Variants in FRMD5 observed in about 807,000 individuals in gnomAD.
The protein encoded by FRMD5 is FERM domain containing 5, also known as FERM domain-containing protein 5.
A neutral mutation model predicts 69.0 loss-of-function variants in FRMD5; 20 were observed. The ratio of observed to expected loss-of-function variants is 0.29; its 90% CI spans 0.20 to 0.42. The LOEUF is 0.42. Ranked by LOEUF, FRMD5 falls within the 10% of genes least tolerant of loss-of-function variation. FRMD5 has a pLI of 1.00. For synonymous variants in FRMD5, 271 were observed against 260.1 expected, an observed-to-expected ratio of 1.04 and a Z score of -0.40; for missense variants, 595 against 708.6, an observed-to-expected ratio of 0.84 and a Z score of 1.82.
rs141804253 is a variant in FRMD5, at chr15:43,951,961, A to ATG, written c.103-27654_103-27653dup. 4.5e-3 allele frequency among the ~76,000 whole-genome samples: 498 copies of ATG among 111,706 alleles called. 13 individuals are homozygous for ATG. In the East Asian group the frequency reaches 0.066, roughly 15 times the overall value. The allele number at this position is 111,706 out of a possible 152,430, so 73.3% of individuals were successfully genotyped here. A position where few individuals can be genotyped will look rare whatever the true frequency, so the allele number is the denominator to read the frequency against. On this transcript the variant is annotated intron_variant, in intron 1 of 13. Coordinates refer to ENST00000417257, the MANE Select transcript of FRMD5 (RefSeq NM_032892.5). ...TTTTTGGGCCCGAGTCTGTATGTGC[A>ATG]TGTGTGTGTGTGTGTGTGTTGTGTG...
chr15:43,973,188 A>G (rs1222023610), intron 1 of FRMD5, among the ~76,000 whole-genome samples: 21 of 151,564 alleles, frequency 1.4e-4, no homozygotes, highest in Admixed American at 2.6e-4. Context: ...ACGCCTGGCT[A>G]ATTTTTTGTA....
chr15:44,105,520 A>AT (rs1412836900), intron 1 of FRMD5, among the ~76,000 whole-genome samples: 1 of 151,910 alleles, frequency 6.6e-6, no homozygotes, highest in African/African-American at 2.4e-5. Context: ...TCTGTTCTTC[A>AT]TTTTTTTTAG....
At chr15:43,961,432 AG>A (rs2090199033) in intron 1 of FRMD5, among the ~76,000 whole-genome samples, 1 of 152,248 alleles carries the variant, frequency 6.6e-6, no homozygotes, top group Non-Finnish European at 1.5e-5. Flanking sequence ...AACCAAAAAA[AG>A]TCCAGGACCA....
chr15:43,988,132 G>A (rs551595410), intron 1 of FRMD5, among the ~76,000 whole-genome samples: 94 of 152,212 alleles, frequency 6.2e-4, no homozygotes, highest in African/African-American at 2.1e-3. Context: ...GATGGGGAGC[G>A]GCTGTAAATA....
intron 7 of FRMD5, among the ~76,000 whole-genome samples, chr15:43,899,551 A>AC (rs1167834328): frequency 6.6e-6 from 1 of 152,058 alleles, no homozygotes; most frequent in African/African-American, 2.4e-5. Flanking sequence ...AATAACATCT[A>AC]CCTCCCAGGG....
chr15:44,089,109 T>C (rs551737705), intron 1 of FRMD5, among the ~76,000 whole-genome samples: 66 of 152,326 alleles, frequency 4.3e-4, no homozygotes, highest in African/African-American at 1.4e-3. Context: ...ACTGATATAA[T>C]AGAAAGAATT....
chr15:44,162,654 G>A (rs916063438), intron 1 of FRMD5, among the ~76,000 whole-genome samples: 6 of 146,732 alleles, frequency 4.1e-5, no homozygotes, highest in Admixed American at 3.4e-4. Flanking sequence ...GATCACCTGA[G>A]GTCAGGAGTT....
intron 1 of FRMD5, among the ~76,000 whole-genome samples, chr15:44,035,260 C>T (rs1432581093): frequency 6.6e-6 from 1 of 152,132 alleles, no homozygotes; most frequent in African/African-American, 2.4e-5. Context: ...CCATGCCATG[C>T]TGACAAAAGG....
intron 1 of FRMD5, among the ~76,000 whole-genome samples, chr15:44,112,615 C>T (rs1393461589): frequency 1.3e-5 from 2 of 151,844 alleles, no homozygotes; most frequent in African/African-American, 4.8e-5. Context: ...TACAGGCGCC[C>T]GCCACCATGC....
intron 13 of FRMD5, chr15:43,879,744 G>A (rs920865467): frequency 1.8e-5 from 7 of 398,454 alleles, no homozygotes; most frequent in Non-Finnish European, 3.1e-5. Context: ...CAGGCAGGGA[G>A]AGATACAGAG....
At chr15:43,929,752 C>A (rs1304051524) in intron 1 of FRMD5, among the ~76,000 whole-genome samples, 1 of 152,194 alleles carries the variant, frequency 6.6e-6, no homozygotes, top group Non-Finnish European at 1.5e-5. Context: ...AAGAAACAGG[C>A]ACCAGGGATG....
intron 1 of FRMD5, among the ~76,000 whole-genome samples, chr15:44,129,944 T>C (rs1476435700): frequency 1.3e-5 from 2 of 152,160 alleles, no homozygotes; most frequent in African/African-American, 2.4e-5. Flanking sequence ...TAACCACTGT[T>C]TCCCAGAGAA....
At chr15:44,016,446 G>A (rs184313549) in intron 1 of FRMD5, among the ~76,000 whole-genome samples, 239 of 152,258 alleles carry the variant, frequency 1.6e-3, no homozygotes, top group African/African-American at 4.9e-3. Flanking sequence ...TTGGAGGTTG[G>A]GCGCAGTGGT....
Position 43,873,314 on chromosome 15 carries a change from T to G in FRMD5, c.*571A>C, listed in dbSNP as rs1266015300. The G allele has an allele frequency of 6.6e-7, 1 of 1,509,072 alleles. No homozygotes were observed. The highest frequency in any genetic ancestry group is 1.4e-5 in the African/African-American group (1 of 70,902). 93.5% of individuals were successfully genotyped at this position (1,509,072 alleles called of 1,614,324 possible). A position where few individuals can be genotyped will look rare whatever the true frequency, so the allele number is the denominator to read the frequency against. ...CCATTTAATCATTCTACATGGATGT[T>G]TACTTTTTTAAAAGTTCTGGCTGGC... On this transcript the variant is annotated 3_prime_UTR_variant, in exon 14 of 14. Transcript: ENST00000417257.
chr15:43,910,986 A>G (rs960249756), intron 4 of FRMD5, among the ~76,000 whole-genome samples: 2 of 152,206 alleles, frequency 1.3e-5, no homozygotes, highest in Non-Finnish European at 2.9e-5. Context: ...TTGCACTATA[A>G]ATGCTTTGCA....
intron 1 of FRMD5, among the ~76,000 whole-genome samples, chr15:44,079,645 T>C (rs1192736814): frequency 6.6e-6 from 1 of 152,168 alleles, no homozygotes; most frequent in African/African-American, 2.4e-5. Context: ...GGGACTTCAA[T>C]GGATATTTGT....
intron 1 of FRMD5, among the ~76,000 whole-genome samples, chr15:44,123,172 C>T (rs2076978893): frequency 6.6e-6 from 1 of 151,816 alleles, no homozygotes. Context: ...TGGTGAAACC[C>T]CATCTCTACT....
intron 1 of FRMD5, among the ~76,000 whole-genome samples, chr15:44,093,120 C>T (rs558116419): frequency 1.4e-4 from 21 of 151,874 alleles, no homozygotes; most frequent in Non-Finnish European, 2.2e-4. Context: ...TTAGTAGAGA[C>T]GGGGTTTCAC....
Position 43,912,746 on chromosome 15 carries a change from G to A in FRMD5, c.330-2767C>T, listed in dbSNP as rs548418278. ...GAAATGGCCCCTTTGGGCCGGGCGC[G>A]GTGGCTCACGCCTGTAATCCCAGCA... On this transcript the variant is annotated intron_variant, in intron 4 of 13. Transcript: ENST00000417257. Among the ~76,000 whole-genome samples the A allele has an allele frequency of 6.0e-4, 91 of 151,782 alleles. 1 individual carries two copies. Among genetic ancestry groups the A allele is most frequent in the Non-Finnish European group, 1.2e-3 (80 of 67,906 alleles).
Sources: allele counts gnomAD v4.1 joint callset (sites outside exome capture counted in the v4.1 genomes callset), GRCh38; gene constraint gnomAD v4.1.1; transcripts MANE v1.5; gene names NCBI Gene and HGNC (gene_info 2026-07-23, HGNC 2026-07-21).